CD99: variants seen among roughly 807,000 people sequenced by gnomAD.
The protein encoded by CD99 is CD99 antigen.
In CD99, 19 loss-of-function variants were observed where a neutral mutation model predicts 28.4. The ratio of observed to expected loss-of-function variants is 0.67; its 90% confidence interval spans 0.47 to 0.98. The LOEUF (loss-of-function observed/expected upper bound fraction) is 0.98. Among genes scored for constraint, CD99 ranks in the 50% least tolerant of loss-of-function variants. The pLI, the probability that CD99 is intolerant of heterozygous loss-of-function variation, is 0.00. For synonymous variants in CD99, 103 were observed against 92.1 expected, an observed-to-expected ratio of 1.12 and a Z score of -0.67; for missense variants, 283 against 248.8, an observed-to-expected ratio of 1.14 and a Z score of -0.92.
At chrX:2,738,886 C>T (rs1177934745) in intron 9 of CD99, among the ~76,000 whole-genome samples, 1 of 151,428 alleles carries the variant, frequency 6.6e-6, no homozygotes, top group East Asian at 1.9e-4. Context: ...CTCACTCTGT[C>T]GCCCAGGCTG....
chrX:2,724,244 C>T (rs1442583387), intron 7 of CD99, among the ~76,000 whole-genome samples: 2 of 152,140 alleles, frequency 1.3e-5, no homozygotes, highest in Non-Finnish European at 2.9e-5. Flanking sequence ...TTAATGTCTA[C>T]TATGTCACTT....
chrX:2,731,349 G>A (rs1157812818), intron 8 of CD99, among the ~76,000 whole-genome samples: 1 of 152,208 alleles, frequency 6.6e-6, no homozygotes, highest in Non-Finnish European at 1.5e-5. Context: ...CAGCACTTTG[G>A]GAGGCCAAGG....
intron 9 of CD99, 78 bp downstream of exon 9, chrX:2,738,334 C>A: frequency 1.5e-6 from 2 of 1,363,448 alleles, no homozygotes; most frequent in South Asian, 1.2e-5. Context: ...TCCCATCTTG[C>A]TGTCCTGCTC....
chrX:2,734,402 G>T (rs1309529065), intron 8 of CD99, among the ~76,000 whole-genome samples: 2 of 151,924 alleles, frequency 1.3e-5, no homozygotes, highest in African/African-American at 4.8e-5. Context: ...CACCTCCTGG[G>T]TTCAAGCGAT....
Position 2,696,269 on chromosome X carries a change from C to T in CD99, c.67+4842C>T, listed in dbSNP as rs181602697. 7.6e-3 allele frequency among the ~76,000 whole-genome samples: 1,124 copies of T among 147,654 alleles called. 10 individuals are homozygous for T. The highest frequency in any genetic ancestry group is 0.028 in the African/African-American group (1,058 of 37,288). On this transcript the variant is annotated intron_variant, in intron 1 of 9. Transcript: ENST00000381192. ...CCCATGTGGATTTTCTGCTGTCTTCCGTGCTTCACCTCTGTTCTCCCAGTT... is the reference window on the plus strand; with the variant it reads ...CCCATGTGGATTTTCTGCTGTCTTCTGTGCTTCACCTCTGTTCTCCCAGTT...
chrX:2,729,610 A>G (rs1458892384), intron 8 of CD99, among the ~76,000 whole-genome samples: 1 of 152,174 alleles, frequency 6.6e-6, no homozygotes, highest in African/African-American at 2.4e-5. Flanking sequence ...GAGGCTCACC[A>G]TATCACATCT....
chrX:2,699,503 ACT>A (rs2047745581), intron 1 of CD99, among the ~76,000 whole-genome samples: 1 of 102,554 alleles, frequency 9.8e-6, no homozygotes, highest in Admixed American at 1.1e-4. Flanking sequence ...ACAGAGTCTC[ACT>A]CTGTCACCAG....
chrX:2,692,882 A>C (rs754151019), intron 1 of CD99, among the ~76,000 whole-genome samples: 13 of 152,262 alleles, frequency 8.5e-5, no homozygotes, highest in African/African-American at 3.1e-4. Context: ...GTGGCCTAAG[A>C]ATTCAGTTTC....
intron 1 of CD99, chrX:2,692,016 A>G (rs1433220382): frequency 1.7e-5 from 12 of 702,144 alleles, no homozygotes; most frequent in Non-Finnish European, 2.9e-5. Context: ...TGCGCCAAGC[A>G]ACACGGGGCG....
At chrX:2,714,627 C>G (rs1042500696) in intron 2 of CD99, 173 bp downstream of exon 2, 1 of 552,500 alleles carries the variant, frequency 1.8e-6, no homozygotes, top group African/African-American at 1.9e-5. Context: ...CAACTGTAGT[C>G]TATTAAGTAT....
chrX:2,725,192 A>G (rs2049210076), intron 7 of CD99, among the ~76,000 whole-genome samples: 1 of 151,698 alleles, frequency 6.6e-6, no homozygotes, highest in Non-Finnish European at 1.5e-5. Context: ...TTAGGCTGGG[A>G]GTTCGAGATC....
intron 5 of CD99, among the ~76,000 whole-genome samples, chrX:2,721,414 G>C (rs2048987723): frequency 6.6e-6 from 1 of 151,956 alleles, no homozygotes; most frequent in African/African-American, 2.4e-5. Context: ...CCCTGCCTCA[G>C]CCTTTCAAGT....
chrX:2,727,972 G>A (rs1207209876), intron 8 of CD99, among the ~76,000 whole-genome samples: 3 of 152,174 alleles, frequency 2.0e-5, no homozygotes, highest in Non-Finnish European at 4.4e-5. Flanking sequence ...AAGTTAGACT[G>A]TAGGGGTGGA....
rs766927823 is a variant in CD99, at chrX:2,706,097, C to T, written c.68-8325C>T. ...AAAAAGAGCCGGGCGCGGTGGCTCA[C>T]GCCTGTCATCCCAGCACTTTGGGAG... On this transcript the variant is annotated intron_variant, in intron 1 of 9. Coordinates refer to ENST00000381192, the MANE Select transcript of CD99 (RefSeq NM_002414.5). Among the ~76,000 whole-genome samples the T allele has an allele frequency of 1.5e-3, 231 of 150,970 alleles. 1 individual carries two copies. The highest frequency in any genetic ancestry group is 5.3e-3 in the African/African-American group (218 of 41,198).
At chrX:2,691,607 A>C (rs1298152718) in intron 1 of CD99, 180 bp downstream of exon 1, 5 of 735,916 alleles carry the variant, frequency 6.8e-6, no homozygotes, top group South Asian at 1.5e-5. Context: ...CTTTCTCCCC[A>C]ACGCTTTTCC....
intron 3 of CD99, among the ~76,000 whole-genome samples, chrX:2,718,174 C>G (rs766147099): frequency 6.6e-6 from 1 of 152,010 alleles, no homozygotes; most frequent in East Asian, 1.9e-4. Context: ...CTCCTGACTT[C>G]AGGCAATCTG....
At chrX:2,692,814 C>T (rs1294155701) in intron 1 of CD99, among the ~76,000 whole-genome samples, 1 of 152,180 alleles carries the variant, frequency 6.6e-6, no homozygotes, top group Non-Finnish European at 1.5e-5. Context: ...TGCCTGCCTT[C>T]CTTCTTTTGC....
intron 7 of CD99, among the ~76,000 whole-genome samples, chrX:2,726,005 T>C (rs375471580): frequency 1.4e-4 from 21 of 152,320 alleles, no homozygotes; most frequent in South Asian, 1.0e-3. Context: ...TCTTCATGTC[T>C]CTTTTCTCCT....
At chrX:2,706,839 G>A (rs934827052) in intron 1 of CD99, among the ~76,000 whole-genome samples, 10 of 151,146 alleles carry the variant, frequency 6.6e-5, no homozygotes, top group Non-Finnish European at 1.3e-4. Context: ...AATTTATTTC[G>A]AGACAGAGTC....
Sources: gnomAD v4.1 joint callset for allele counts (sites outside exome capture counted in the v4.1 genomes callset) on GRCh38, gnomAD v4.1.1 for gene constraint, MANE v1.5 for transcripts, NCBI Gene and HGNC (gene_info 2026-07-23, HGNC 2026-07-21) for gene names.